The following NDST4 variants were observed in gnomAD, a reference collection of about 807,000 sequenced individuals.
NDST4 encodes the protein N-heparan sulfate sulfotransferase 4.
Under a neutral mutation model 100.8 loss-of-function variants are expected in NDST4, and 63 were observed. That is an observed-to-expected ratio of 0.62 (90% CI 0.51 to 0.77). The LOEUF (loss-of-function observed/expected upper bound fraction) is 0.77. NDST4 is among the 30% of genes least tolerant of loss of function. The pLI, the probability that NDST4 is intolerant of heterozygous loss-of-function variation, is 0.00. For synonymous variants in NDST4, 377 were observed against 361.8 expected (o/e 1.04, Z -0.48); for missense variants, 943 against 1,018.4 (o/e 0.93, Z 1.01).
At chr4:114,875,584 T>A (rs1295835304) in intron 6 of NDST4, among the ~76,000 whole-genome samples, 1 of 152,220 alleles carries the variant, frequency 6.6e-6, no homozygotes, top group African/African-American at 2.4e-5. Flanking sequence ...GTAAACACAC[T>A]GTCATAGTGA....
At chr4:114,883,780 G>A (rs569867069) in intron 6 of NDST4, among the ~76,000 whole-genome samples, 131 of 152,188 alleles carry the variant, frequency 8.6e-4, no homozygotes, top group Middle Eastern at 6.8e-3. Flanking sequence ...GGTTTCGGAT[G>A]AATCTGTTTC....
chr4:114,828,902 C>A (rs1416167503), intron 13 of NDST4, among the ~76,000 whole-genome samples: 1 of 152,176 alleles, frequency 6.6e-6, no homozygotes, highest in Non-Finnish European at 1.5e-5. Flanking sequence ...AACTACATTT[C>A]ATCTTGGAAC....
intron 4 of NDST4, among the ~76,000 whole-genome samples, chr4:114,966,037 C>A (rs1435889307): frequency 6.6e-6 from 1 of 151,900 alleles, no homozygotes; most frequent in East Asian, 1.9e-4. Context: ...GGAAAAAGAA[C>A]CAAAAAGTAT....
At position 114,935,320 on chromosome 4, in the gene NDST4, C is replaced by A. The variant is rs375881591; in HGVS notation, c.1422G>T (p.Gln474His). Residue 474 changes from glutamine (Q) to histidine (H), a missense_variant, in exon 6 of 14, where the codon CAG (glutamine) becomes CAT (histidine). Transcript: ENST00000264363. Reference sequence around the variant, plus strand: ...TAGTGTGAGTGAACAACCCACAAGTCTGTCGAGGGAGGACCTGAGTAAAAA... The same window carrying A: ...TAGTGTGAGTGAACAACCCACAAGTATGTCGAGGGAGGACCTGAGTAAAAA... Reference protein sequence around the residue: ...IHNSIMVLPRQTCGLFTHTIF... With the variant: ...IHNSIMVLPRHTCGLFTHTIF... The A allele has an allele frequency of 1.2e-6, 2 of 1,606,002 alleles. No individual in the cohort carries two copies. The highest frequency in any genetic ancestry group is 2.2e-5 in the South Asian group (2 of 89,614).
intron 7 of NDST4, among the ~76,000 whole-genome samples, chr4:114,859,459 G>A (rs1191992606): frequency 6.6e-6 from 1 of 152,200 alleles, no homozygotes; most frequent in African/African-American, 2.4e-5. Flanking sequence ...GTGTCTGGTT[G>A]GAGTGAACAT....
chr4:114,841,991 T>C (rs1023031357), intron 10 of NDST4, among the ~76,000 whole-genome samples: 1 of 152,200 alleles, frequency 6.6e-6, no homozygotes, highest in African/African-American at 2.4e-5. Context: ...TTACTTGTTA[T>C]CCTACTCCAC....
rs182000440 is a variant in NDST4 at position 115,003,131 on chromosome 4, C to T, written c.979-25857G>A. ...CATTAGGACAAATACATAATGCATG[C>T]GGGGCTTAAAACCTAGATGACAGGT... On this transcript the variant is annotated intron_variant, in intron 2 of 13. Transcript: ENST00000264363. Among the ~76,000 whole-genome samples the T allele has an allele frequency of 4.6e-3, 707 of 152,046 alleles. 11 individuals are homozygous for T. Among genetic ancestry groups the T allele is most frequent in the Middle Eastern group, 0.017 (5 of 294 alleles).
At chr4:115,069,848 A>G (rs1374493301) in intron 2 of NDST4, among the ~76,000 whole-genome samples, 1 of 152,192 alleles carries the variant, frequency 6.6e-6, no homozygotes, top group Non-Finnish European at 1.5e-5. Flanking sequence ...TTGCCACTGC[A>G]CCCCCACCTG....
At chr4:115,032,343 G>C (rs935250057) in intron 2 of NDST4, among the ~76,000 whole-genome samples, 11 of 151,934 alleles carry the variant, frequency 7.2e-5, no homozygotes, top group African/African-American at 2.7e-4. Context: ...TTTTTCAGTG[G>C]AATCATGATT....
intron 2 of NDST4, among the ~76,000 whole-genome samples, chr4:115,019,032 T>C (rs1727750806): frequency 6.6e-6 from 1 of 151,994 alleles, no homozygotes; most frequent in Admixed American, 6.6e-5. Context: ...CATCTATATT[T>C]CTTCTTTTTA....
At chr4:114,876,615 A>G (rs916181542) in intron 6 of NDST4, among the ~76,000 whole-genome samples, 18 of 152,126 alleles carry the variant, frequency 1.2e-4, no homozygotes, top group African/African-American at 4.3e-4. Context: ...ACAACTAATA[A>G]CCTGGTAAAT....
chr4:114,984,141 A>G lies in NDST4; in HGVS notation c.979-6867T>C, dbSNP rs1212358377. On this transcript the variant is annotated intron_variant, in intron 2 of 13. Coordinates refer to ENST00000264363, the MANE Select transcript of NDST4 (RefSeq NM_022569.3). ...TTTATAGCAGTGTGAACAAACTAAT[A>G]CTATTTATTTATTTATTTATTTATT... Among the ~76,000 whole-genome samples the G allele has an allele frequency of 2.9e-5, 4 of 138,678 alleles. No individual in the cohort carries two copies. The East Asian group carries it at 8.2e-4, about 29-fold the overall frequency. The allele number at this position is 138,678 out of a possible 152,430, so 91.0% of individuals were successfully genotyped here. A position where few individuals can be genotyped will look rare whatever the true frequency, so the allele number is the denominator to read the frequency against.
intron 2 of NDST4, among the ~76,000 whole-genome samples, chr4:115,031,273 G>A (rs1728110208): frequency 6.6e-6 from 1 of 152,012 alleles, no homozygotes; most frequent in African/African-American, 2.4e-5. Context: ...TCCTGCTCCA[G>A]ACATGTTGCT....
intron 2 of NDST4, among the ~76,000 whole-genome samples, chr4:115,069,670 C>A (rs1261993999): frequency 6.6e-6 from 1 of 152,066 alleles, no homozygotes; most frequent in African/African-American, 2.4e-5. Context: ...CTGAGGAGGG[C>A]AGATCACTTG....
chr4:115,096,138 T>G (rs189966115), intron 1 of NDST4, among the ~76,000 whole-genome samples: 2 of 146,410 alleles, frequency 1.4e-5, no homozygotes, highest in Non-Finnish European at 1.5e-5. Context: ...AAAACAAAAC[T>G]GACTAAATCC....
chr4:114,997,245 T>C (rs2126254271), intron 2 of NDST4, among the ~76,000 whole-genome samples: 1 of 152,058 alleles, frequency 6.6e-6, no homozygotes, highest in East Asian at 1.9e-4. Context: ...ACCCAAAACT[T>C]CCACAATGTT....
At chr4:114,849,289 A>C (rs1723622700) in intron 8 of NDST4, among the ~76,000 whole-genome samples, 1 of 152,356 alleles carries the variant, frequency 6.6e-6, no homozygotes, top group Admixed American at 6.5e-5. Context: ...CATAACTCTC[A>C]TAAATCAAGA....
At chr4:114,910,470 G>C (rs556953383) in intron 6 of NDST4, among the ~76,000 whole-genome samples, 1 of 152,136 alleles carries the variant, frequency 6.6e-6, no homozygotes, top group Non-Finnish European at 1.5e-5. Context: ...CTCATTCTTT[G>C]TCCTAGAGAA....
intron 2 of NDST4, among the ~76,000 whole-genome samples, chr4:114,983,644 C>T (rs1449701985): frequency 6.6e-6 from 1 of 152,124 alleles, no homozygotes; most frequent in Non-Finnish European, 1.5e-5. Flanking sequence ...AGAATTTAGA[C>T]TTAGACTTTT....
Sources: gnomAD v4.1 joint callset for allele counts (sites outside exome capture counted in the v4.1 genomes callset) on GRCh38, gnomAD v4.1.1 for gene constraint, MANE v1.5 for transcripts, NCBI Gene and HGNC (gene_info 2026-07-23, HGNC 2026-07-21) for gene names.